CCDC3: variants seen among roughly 807,000 people sequenced by gnomAD.
The protein encoded by CCDC3 is coiled-coil domain-containing protein 3.
A neutral mutation model predicts 21.4 loss-of-function variants in CCDC3; 24 were observed. The observed-to-expected ratio is 1.12, with a 90% CI of 0.81 to 1.58. CCDC3 has a LOEUF of 1.58. CCDC3 is among the 40% of genes most tolerant of loss of function. CCDC3 has a pLI of 0.00. For synonymous variants in CCDC3, 186 were observed against 166.0 expected (o/e 1.12, Z -0.93); for missense variants, 425 against 360.9 (o/e 1.18, Z -1.44).
At chr10:12,930,666 G>A (rs1351105662) in intron 2 of CCDC3, among the ~76,000 whole-genome samples, 3 of 152,116 alleles carry the variant, frequency 2.0e-5, no homozygotes, top group African/African-American at 7.2e-5. Flanking sequence ...GGCAGTGTTC[G>A]GAAATACCTT....
intron 5 of CCDC3, among the ~76,000 whole-genome samples, chr10:13,036,794 A>AT (rs35674867): frequency 0.04 from 5,816 of 144,936 alleles, 347 homozygotes; most frequent in African/African-American, 0.13. Flanking sequence ...TCTTATGTAC[A>AT]TTTTTTTTTT....
chr10:12,908,260 A>G (rs1834205716), intron 2 of CCDC3, among the ~76,000 whole-genome samples: 1 of 152,206 alleles, frequency 6.6e-6, no homozygotes. Context: ...GAAATGCTGC[A>G]TATTATGGCT....
chr10:13,050,515 C>G (rs1288908415), intron 4 of CCDC3, among the ~76,000 whole-genome samples: 2 of 132,578 alleles, frequency 1.5e-5, no homozygotes, highest in Admixed American at 8.8e-5. Context: ...GGCTGGAATA[C>G]AGTGGCACGA....
intron 2 of CCDC3, among the ~76,000 whole-genome samples, chr10:12,899,491 G>A (rs938232630): frequency 3.9e-5 from 6 of 152,126 alleles, no homozygotes; most frequent in Non-Finnish European, 7.3e-5. Context: ...TGTGCAAGCT[G>A]CCACATGTGC....
chr10:12,971,094 CCG>C (rs1271830751), intron 2 of CCDC3, among the ~76,000 whole-genome samples: 1 of 152,142 alleles, frequency 6.6e-6, no homozygotes, highest in Non-Finnish European at 1.5e-5. Context: ...AAGCCTTATA[CCG>C]TTAATGTGAA....
chr10:13,067,647 C>T (rs573086994), intron 4 of CCDC3, among the ~76,000 whole-genome samples: 3 of 152,216 alleles, frequency 2.0e-5, no homozygotes, highest in East Asian at 3.9e-4. Context: ...CAATGGCGGC[C>T]GGGTTCAATC....
intron 5 of CCDC3, among the ~76,000 whole-genome samples, chr10:13,010,609 G>C (rs1298525552): frequency 1.3e-5 from 2 of 152,174 alleles, no homozygotes; most frequent in African/African-American, 4.8e-5. Context: ...CACTCCTAGG[G>C]ATATACTAGA....
At chr10:12,965,296 T>C (rs1024986613) in intron 2 of CCDC3, among the ~76,000 whole-genome samples, 8 of 152,202 alleles carry the variant, frequency 5.3e-5, no homozygotes, top group Non-Finnish European at 1.2e-4. Flanking sequence ...TGTGTATCTT[T>C]TATCCTGTTA....
At chr10:12,904,314 TAAA>T (rs1207575210) in intron 2 of CCDC3, among the ~76,000 whole-genome samples, 2 of 150,756 alleles carry the variant, frequency 1.3e-5, no homozygotes, top group Non-Finnish European at 3.0e-5. Context: ...AAAATAAAAA[TAAA>T]AAATAGCCCG....
In CCDC3 at chr10:13,007,538, C is replaced by T. The variant is rs559994135; in HGVS notation, c.-1-9026G>A. ...ATTTCTTTAGTGTCTGGGCTATTTC[C>T]TCCTGGATTATAGTGTGTACCTGTC... On this transcript the variant is annotated intron_variant, in intron 5 of 6. Transcript: ENST00000378839. 3.7e-4 allele frequency among the ~76,000 whole-genome samples: 56 copies of T among 152,264 alleles called. 1 individual carries two copies. The highest frequency in any genetic ancestry group is 1.3e-3 in the African/African-American group (53 of 41,556).
At chr10:12,940,368 A>T (rs1429930753) in intron 2 of CCDC3, among the ~76,000 whole-genome samples, 1 of 151,748 alleles carries the variant, frequency 6.6e-6, no homozygotes, top group Non-Finnish European at 1.5e-5. Flanking sequence ...AGAGAATACA[A>T]TGAAAAGATC....
intron 5 of CCDC3, among the ~76,000 whole-genome samples, chr10:13,048,714 G>C (rs562218): frequency 0.99 from 151,193 of 152,224 alleles, 75,091 homozygotes; most frequent in East Asian, 1. Context: ...CAACTTGGCA[G>C]GTCGCTAGCT....
At chr10:13,062,569 A>T (rs1227329914) in intron 4 of CCDC3, among the ~76,000 whole-genome samples, 2 of 152,210 alleles carry the variant, frequency 1.3e-5, no homozygotes, top group African/African-American at 4.8e-5. Context: ...TTATCTAAAG[A>T]GATAAGCAAG....
At chr10:12,915,668 G>A (rs4750281) in intron 2 of CCDC3, among the ~76,000 whole-genome samples, 18,145 of 152,230 alleles carry the variant, frequency 0.12, 1,184 homozygotes, top group Middle Eastern at 0.15. Flanking sequence ...GCTGTCTTGT[G>A]TGGTCATGGG....
chr10:12,935,051 A>G (rs1239054216), intron 2 of CCDC3, among the ~76,000 whole-genome samples: 1 of 149,584 alleles, frequency 6.7e-6, no homozygotes, highest in Non-Finnish European at 1.5e-5. Flanking sequence ...GATGTGCACT[A>G]CCAAACCTGG....
intron 5 of CCDC3, among the ~76,000 whole-genome samples, chr10:13,027,801 A>G (rs772260782): frequency 2.6e-5 from 4 of 152,146 alleles, no homozygotes; most frequent in Non-Finnish European, 5.9e-5. Context: ...CAAGGTGACT[A>G]CTATTAGCAC....
intron 2 of CCDC3, among the ~76,000 whole-genome samples, chr10:12,919,601 A>AG (rs1554753921): frequency 5.3e-5 from 8 of 151,718 alleles, no homozygotes; most frequent in Non-Finnish European, 8.8e-5. Flanking sequence ...AAAAAAAAAA[A>AG]AAAGAAATGA....
intron 2 of CCDC3, among the ~76,000 whole-genome samples, chr10:12,909,377 C>T (rs937928836): frequency 2.0e-5 from 3 of 152,200 alleles, no homozygotes; most frequent in Non-Finnish European, 4.4e-5. Context: ...ATCTTCTCCC[C>T]ACCGTGCCCA....
intron 2 of CCDC3, among the ~76,000 whole-genome samples, chr10:12,948,074 C>T (rs1834944751): frequency 6.6e-6 from 1 of 152,206 alleles, no homozygotes; most frequent in Non-Finnish European, 1.5e-5. Context: ...TAATAATCCC[C>T]ATGGGTTGTG....
Sources: allele counts gnomAD v4.1 joint callset (sites outside exome capture counted in the v4.1 genomes callset), GRCh38; gene constraint gnomAD v4.1.1; transcripts MANE v1.5; gene names NCBI Gene and HGNC (gene_info 2026-07-23, HGNC 2026-07-21).